Variants in CROCC observed in about 807,000 individuals in gnomAD.
CROCC encodes ciliary rootlet coiled-coil, rootletin.
Under a neutral mutation model 245.2 loss-of-function variants are expected in CROCC, and 180 were observed. The ratio of observed to expected loss-of-function variants is 0.73; its 90% CI spans 0.65 to 0.83. The LOEUF (loss-of-function observed/expected upper bound fraction) is 0.83. Among genes scored for constraint, CROCC ranks in the 40% least tolerant of loss-of-function variants. The probability of loss-of-function intolerance (pLI) is 0.00; values close to 1 mark genes in which losing one functional copy is unlikely to be tolerated. For synonymous variants in CROCC, 1,205 were observed against 1,241.6 expected (o/e 0.97, Z 0.62); for missense variants, 2,688 against 2,779.4 (o/e 0.97, Z 0.74).
chr1:16,921,906 A>C (rs2075414448), upstream of CROCC: 1 of 1,166,920 alleles, frequency 8.6e-7, no homozygotes, highest in African/African-American at 1.5e-5. Context: ...CGCCGGATTT[A>C]AGCTTAATCT....
Position 16,962,556 on chromosome 1 carries a change from A to AAAC in CROCC, c.4405+1428_4405+1429insCAA, listed in dbSNP as rs1553160333. Among the ~76,000 whole-genome samples the AAAC allele has an allele frequency of 3.3e-4, 35 of 105,850 alleles. 9 individuals are homozygous for AAAC. The South Asian group carries it at 5.5e-3, about 17-fold the overall frequency. The allele number at this position is 105,850 out of a possible 152,430, so 69.4% of individuals were successfully genotyped here. On this transcript the variant is annotated intron_variant, in intron 27 of 36. Coordinates refer to ENST00000375541, the MANE Select transcript of CROCC (RefSeq NM_014675.5). ...TCTCAAAAAAAAAAAAAAAAAAAAA[A>AAAC]AAAAACAGGATTTCAGCATGTTGGT...
In CROCC at chr1:16,937,609, C is replaced by T. The variant is rs373478898; in HGVS notation, c.1194-32C>T. On this transcript the variant is annotated intron_variant, in intron 9 of 36. Transcript: ENST00000375541. Reference sequence around the variant, plus strand: ...TGGATTTGAGAAGCTGGGGTGGTCCCGTATTCACCTCTGTTGCTCCCCCAA... The same window carrying T: ...TGGATTTGAGAAGCTGGGGTGGTCCTGTATTCACCTCTGTTGCTCCCCCAA... 502 of 1,567,020 alleles carry T rather than the reference C, an allele frequency of 3.2e-4. 1 individual carries two copies. The highest frequency in any genetic ancestry group is 7.0e-4 in the East Asian group (31 of 44,530).
upstream of CROCC, among the ~76,000 whole-genome samples, chr1:16,919,500 C>T (rs961677112): frequency 1.3e-5 from 2 of 152,280 alleles, no homozygotes; most frequent in Non-Finnish European, 2.9e-5. Flanking sequence ...TGTAGCAGGA[C>T]AAGCCGCAGG....
upstream of CROCC, among the ~76,000 whole-genome samples, chr1:16,917,244 C>T (rs1372753701): frequency 6.6e-6 from 1 of 152,310 alleles, no homozygotes; most frequent in Non-Finnish European, 1.5e-5. Context: ...AGACTTCACG[C>T]TGTCATCTGT....
chr1:16,958,728 G>A lies in CROCC; in HGVS notation c.4010G>A (p.Ser1337Asn). The A allele has an allele frequency of 6.4e-7, 1 of 1,561,238 alleles. No individual in the cohort carries two copies. The highest frequency in any genetic ancestry group is 8.7e-7 in the Non-Finnish European group (1 of 1,153,320). The change falls in exon 26 of 37, where the codon AGC becomes AAC. Residue 1337 changes from serine to asparagine, a missense_variant. This residue lies in a region of CROCC where 1,218 missense variants were observed against 1,286.3 expected (regional missense o/e 0.95). Transcript: ENST00000375541. Reference protein sequence around the residue: ...LRQRLLKGEASLEVMRQELQV... With the variant: ...LRQRLLKGEANLEVMRQELQV... ...CAGAGGCTGCTGAAGGGCGAGGCCA[G>A]CCTGGAGGTGATGCGGCAGGAGGTA... is the stretch of plus-strand genomic sequence containing the variant.
intron 13 of CROCC, among the ~76,000 whole-genome samples, chr1:16,942,546 C>T (rs1455389548): frequency 2.0e-5 from 3 of 152,274 alleles, no homozygotes; most frequent in African/African-American, 4.8e-5. Flanking sequence ...CTACTGTGTG[C>T]CAGGCTCTTG....
chr1:16,956,774 G>C (rs2076256053), intron 25 of CROCC, among the ~76,000 whole-genome samples: 1 of 151,908 alleles, frequency 6.6e-6, no homozygotes, highest in Non-Finnish European at 1.5e-5. Flanking sequence ...AGAAACGGGA[G>C]ATGGGCTGAA....
At chr1:16,956,881 A>G (rs1205091070) in intron 25 of CROCC, among the ~76,000 whole-genome samples, 2 of 152,204 alleles carry the variant, frequency 1.3e-5, no homozygotes, top group Non-Finnish European at 2.9e-5. Flanking sequence ...TCTACTGGGC[A>G]CTGGCCTGGA....
chr1:16,966,412 G>T lies in CROCC; in HGVS notation c.4701G>T (p.Arg1567=). 6.5e-7 allele frequency: 1 copy of T among 1,530,830 alleles called. No homozygotes were observed. The allele number at this position is 1,530,830 out of a possible 1,614,324, so 94.8% of individuals were successfully genotyped here. A position where few individuals can be genotyped will look rare whatever the true frequency, so the allele number is the denominator to read the frequency against. The stretch of plus-strand genomic sequence containing the variant: ...CGGGGTGGGTGGTGGCTACAGCCCG[G>T]CGCAGTGTGGATGGGCGGCTGAGCG... ...QKAVAESEEA[R]RSVDGRLSGV... Residue 1567 remains arginine, a synonymous_variant, in exon 30 of 37, where the codon CGG becomes CGT. Transcript: ENST00000375541. The surrounding 1 kb of genome is among the most constrained non-coding windows in gnomAD (Gnocchi z 4.8).
intron 9 of CROCC, among the ~76,000 whole-genome samples, chr1:16,937,179 C>G (rs887460175): frequency 1.3e-5 from 2 of 152,246 alleles, no homozygotes; most frequent in African/African-American, 4.8e-5. Context: ...CAGGCAAAAC[C>G]CTGTCTCTAC....
intron 14 of CROCC, among the ~76,000 whole-genome samples, chr1:16,944,554 G>A (rs1158933520): frequency 7.2e-5 from 11 of 152,316 alleles, no homozygotes; most frequent in Admixed American, 2.6e-4. Flanking sequence ...ATTAGCAGTA[G>A]TATTTTAAAA....
Position 16,939,026 on chromosome 1 carries a change from C to A in CROCC, c.1492C>A (p.Arg498Ser), listed in dbSNP as rs1400063713. ...SGQRTPSPPR[R>S]SSPGRGRSPR... Reference sequence around the variant, plus strand: ...CCAGCGGACCCCGTCCCCACCGCGGCGCTCCTCGCCCGGCCGAGGCCGTTC... The same window carrying A: ...CCAGCGGACCCCGTCCCCACCGCGGAGCTCCTCGCCCGGCCGAGGCCGTTC... The change falls in exon 12 of 37, where the codon CGC becomes AGC. Residue 498 changes from arginine (R) to serine (S), a missense_variant. Transcript: ENST00000375541. 7 of 1,597,658 alleles carry A rather than the reference C, an allele frequency of 4.4e-6. No individual in the cohort carries two copies. The highest frequency in any genetic ancestry group is 6.0e-6 in the Non-Finnish European group (7 of 1,174,880).
chr1:16,927,502 C>G (rs1379024630), intron 3 of CROCC, among the ~76,000 whole-genome samples: 2 of 152,266 alleles, frequency 1.3e-5, no homozygotes, highest in African/African-American at 4.8e-5. Context: ...TACCCTGATA[C>G]ACACAGCCAG....
intron 26 of CROCC, among the ~76,000 whole-genome samples, chr1:16,960,129 T>C (rs1372532855): frequency 6.6e-6 from 1 of 152,098 alleles, no homozygotes; most frequent in East Asian, 1.9e-4. Context: ...TAGCTGGGCA[T>C]GGTGGTGCTC....
intron 25 of CROCC, among the ~76,000 whole-genome samples, chr1:16,957,141 C>T (rs2076261907): frequency 6.6e-6 from 1 of 152,158 alleles, no homozygotes; most frequent in South Asian, 2.1e-4. Flanking sequence ...GCTGTGATGG[C>T]TCATGCCTTT....
At chr1:16,971,801 AGACCGGG>A (rs889180654) in intron 36 of CROCC, among the ~76,000 whole-genome samples, 154 bp downstream of exon 36, 1 of 152,212 alleles carries the variant, frequency 6.6e-6, no homozygotes, top group African/African-American at 2.4e-5. Flanking sequence ...AGCCAAGACC[AGACCGGG>A]GCCACGGGAT....
Position 16,939,884 on chromosome 1 carries a change from C to G in CROCC, c.1609-10C>G, listed in dbSNP as rs774531637. The G allele has an allele frequency of 1.2e-6, 2 of 1,611,594 alleles. No individual in the cohort carries two copies. The highest frequency in any genetic ancestry group is 1.3e-5 in the African/African-American group (1 of 74,884). On this transcript the variant is annotated splice_polypyrimidine_tract_variant and intron_variant, in intron 12 of 36. Coordinates refer to ENST00000375541, the MANE Select transcript of CROCC (RefSeq NM_014675.5). ...GGCCCCCCCAGACTCTGTGACCCCCCACACCCCAGGACATGCGTGGGCGCT... is the reference window on the plus strand; with the variant it reads ...GGCCCCCCCAGACTCTGTGACCCCCGACACCCCAGGACATGCGTGGGCGCT...
Position 16,954,907 on chromosome 1 carries a change from C to A in CROCC, c.3465+30C>A. 2 of 1,501,664 alleles carry A rather than the reference C, an allele frequency of 1.3e-6. No homozygotes were observed. The highest frequency in any genetic ancestry group is 9.0e-7 in the Non-Finnish European group (1 of 1,115,762). The allele number at this position is 1,501,664 out of a possible 1,614,324, so 93.0% of individuals were successfully genotyped here. A position where few individuals can be genotyped will look rare whatever the true frequency, so the allele number is the denominator to read the frequency against. On this transcript the variant is annotated intron_variant, in intron 23 of 36. Coordinates refer to ENST00000375541, the MANE Select transcript of CROCC (RefSeq NM_014675.5). The surrounding 1 kb of genome is among the most constrained non-coding windows in gnomAD (Gnocchi z 4.4). ...GCAGCCGCCCCCCTCTTCCAAGCAG[C>A]ATACCCTAAATGGCACTGTGTGCCT...
intron 25 of CROCC, among the ~76,000 whole-genome samples, chr1:16,956,780 C>G (rs1331069822): frequency 1.3e-5 from 2 of 151,800 alleles, no homozygotes; most frequent in African/African-American, 4.8e-5. Context: ...GGGAGATGGG[C>G]TGAATTTGGC....
Sources: gnomAD v4.1 joint callset for allele counts (sites outside exome capture counted in the v4.1 genomes callset) on GRCh38, gnomAD v4.1.1 for gene constraint, gnomAD v4.1.1 regional missense constraint, Gnocchi (gnomAD v3.1) non-coding constraint, MANE v1.5 for transcripts, NCBI Gene and HGNC (gene_info 2026-07-23, HGNC 2026-07-21) for gene names.